The following UBE2J1 variants were observed in gnomAD, a reference collection of about 807,000 sequenced individuals.
UBE2J1 encodes ubiquitin conjugating enzyme E2 J1.
UBE2J1 carries 17 observed loss-of-function variants against 42.1 expected under a neutral mutation model. The ratio of observed to expected loss-of-function variants is 0.40; its 90% CI spans 0.28 to 0.61. UBE2J1 has a LOEUF of 0.61. UBE2J1 is among the 20% of genes least tolerant of loss of function. The probability of loss-of-function intolerance (pLI) is 0.38; values close to 1 mark genes in which losing one functional copy is unlikely to be tolerated. For synonymous variants in UBE2J1, 127 were observed against 137.2 expected (o/e 0.93, Z 0.52); for missense variants, 291 against 389.4 (o/e 0.75, Z 2.13).
At chr6:89,335,256 A>G in intron 6 of UBE2J1, 46 bp downstream of exon 6, 1 of 1,518,258 alleles carries the variant, frequency 6.6e-7, no homozygotes, top group Non-Finnish European at 8.9e-7. Context: ...TCCAGCAGTA[A>G]ACAAAAGGGT....
At chr6:89,345,759 T>A (rs769474231) in intron 1 of UBE2J1, among the ~76,000 whole-genome samples, 18 of 150,158 alleles carry the variant, frequency 1.2e-4, no homozygotes, top group South Asian at 2.1e-4. Context: ...AATACAAAAT[T>A]AGCCTGGTGT....
chr6:89,349,485 A>AT (rs1768425610), intron 1 of UBE2J1, among the ~76,000 whole-genome samples: 1 of 152,168 alleles, frequency 6.6e-6, no homozygotes, highest in South Asian at 2.1e-4. Context: ...CAGGGCAGGG[A>AT]TGGAGCAAGG....
chr6:89,332,637 A>C (rs1768031577), intron 7 of UBE2J1, among the ~76,000 whole-genome samples: 2 of 152,216 alleles, frequency 1.3e-5, no homozygotes, highest in African/African-American at 2.4e-5. Flanking sequence ...ATTTAAATGT[A>C]GACACCTGCA....
At chr6:89,338,872 A>T (rs552523880) in intron 3 of UBE2J1, among the ~76,000 whole-genome samples, 4 of 151,856 alleles carry the variant, frequency 2.6e-5, no homozygotes, top group East Asian at 3.9e-4. Flanking sequence ...TCACCGTGTT[A>T]GCCAGGATGG....
At chr6:89,341,460 A>G (rs1768245179) in intron 3 of UBE2J1, among the ~76,000 whole-genome samples, 1 of 152,222 alleles carries the variant, frequency 6.6e-6, no homozygotes, top group Admixed American at 6.5e-5. Flanking sequence ...TTCCTTGGCC[A>G]GGTATGATGG....
chr6:89,338,272 T>A lies in UBE2J1; in HGVS notation c.361A>T (p.Thr121Ser). ...ALLAIIGFMP[T>S]KGEGAIGSLD... is the part of the protein sequence containing the mutation. ...GAACCTATGGCTCCCTCTCCTTTTG[T>A]TGGCATAAACCCAATGATGGCTAAT... Residue 121 changes from threonine to serine, a missense_variant, in exon 5 of 8, where the codon ACA becomes TCA. Physicochemically the swap from Thr to Ser is moderately conservative, Grantham distance 58 (BLOSUM62 1). Around this residue, in one of 2 missense-constraint regions of UBE2J1, gnomAD observed 115 missense variants for 193.1 expected, o/e 0.60. Transcript: ENST00000435041. The A allele has an allele frequency of 6.2e-7, 1 of 1,613,808 alleles. No homozygotes were observed. Among genetic ancestry groups the A allele is most frequent in the Non-Finnish European group, 8.5e-7 (1 of 1,179,898 alleles).
chr6:89,342,215 C>T, intron 3 of UBE2J1, 109 bp downstream of exon 3: 1 of 1,320,038 alleles, frequency 7.6e-7, no homozygotes, highest in South Asian at 1.4e-5. Flanking sequence ...ACCCCAAAAG[C>T]AAAATTATAC....
At chr6:89,343,071 C>T (rs942097872) in intron 2 of UBE2J1, among the ~76,000 whole-genome samples, 2 of 152,132 alleles carry the variant, frequency 1.3e-5, no homozygotes, top group African/African-American at 2.4e-5. Flanking sequence ...TGAGTAGCTA[C>T]GGAGACCCAT....
At chr6:89,340,997 G>T (rs1022393986) in intron 3 of UBE2J1, among the ~76,000 whole-genome samples, 3 of 151,612 alleles carry the variant, frequency 2.0e-5, no homozygotes, top group Admixed American at 6.6e-5. Context: ...GGATGGTCTC[G>T]ATCTCCTGAC....
chr6:89,352,560 G>T lies in UBE2J1; in HGVS notation c.10C>A (p.Arg4Ser). ...TCACCCGGACTCTTCAGGTTGTAGC[G>T]GGTCTCCATGGTGGGTCGCTGGCTT... MET[R>S]YNLKSPAVKR... Residue 4 changes from arginine to serine, a missense_variant, in exon 1 of 8, where the codon CGC becomes AGC. By Grantham distance (110) the Arg-to-Ser change is moderately radical. Transcript: ENST00000435041. The T allele has an allele frequency of 6.4e-7, 1 of 1,572,732 alleles. No individual in the cohort carries two copies.
At chr6:89,346,121 C>T (rs1768360894) in intron 1 of UBE2J1, among the ~76,000 whole-genome samples, 1 of 152,102 alleles carries the variant, frequency 6.6e-6, no homozygotes, top group African/African-American at 2.4e-5. Context: ...GGGCAATCCT[C>T]CTACCTCAGC....
intron 1 of UBE2J1, among the ~76,000 whole-genome samples, chr6:89,347,053 AT>A (rs1313419325): frequency 1.6e-4 from 24 of 152,236 alleles, no homozygotes; most frequent in Non-Finnish European, 2.4e-4. Context: ...AATTAAACTT[AT>A]TTAATAAAAC....
At chr6:89,337,691 G>A (rs1012481623) in intron 5 of UBE2J1, among the ~76,000 whole-genome samples, 1 of 152,096 alleles carries the variant, frequency 6.6e-6, no homozygotes, top group Non-Finnish European at 1.5e-5. Context: ...GAAAAAAACA[G>A]AGAAGGCATC....
chr6:89,328,807 T>C lies in UBE2J1; in HGVS notation c.*872A>G, dbSNP rs1342355700. The C allele has an allele frequency of 1.3e-5, 2 of 152,176 alleles. No individual in the cohort carries two copies. The highest frequency in any genetic ancestry group is 2.9e-5 in the Non-Finnish European group (2 of 68,044). The allele number at this position is 152,176 out of a possible 1,614,324, so 9.4% of individuals were successfully genotyped here. ...AATATTATGCATATTCCTGGAATAA[T>C]TAAAATTTATACTGATTATAAAGCT... is the stretch of plus-strand genomic sequence containing the variant. On this transcript the variant is annotated 3_prime_UTR_variant, in exon 8 of 8. Coordinates refer to ENST00000435041, the MANE Select transcript of UBE2J1 (RefSeq NM_016021.3).
At chr6:89,338,859 G>A (rs983094266) in intron 3 of UBE2J1, among the ~76,000 whole-genome samples, 9 of 151,696 alleles carry the variant, frequency 5.9e-5, no homozygotes, top group Admixed American at 1.3e-4. Flanking sequence ...TAGAGACGGG[G>A]TTTCACCGTG....
intron 1 of UBE2J1, 63 bp from the exon 2 acceptor site, chr6:89,343,819 C>T (rs919351886): frequency 7.7e-7 from 1 of 1,297,424 alleles, no homozygotes; most frequent in Non-Finnish European, 1.1e-6. Flanking sequence ...TTAGCACAGT[C>T]TTACGAGCCT....
At chr6:89,343,819 C>A in intron 1 of UBE2J1, 63 bp from the exon 2 acceptor site, 1 of 1,297,422 alleles carries the variant, frequency 7.7e-7, no homozygotes, top group African/African-American at 1.5e-5. Context: ...TTAGCACAGT[C>A]TTACGAGCCT....
At position 89,346,718 on chromosome 6, in the gene UBE2J1, A is replaced by G. The variant is rs537974668; in HGVS notation, c.32-2962T>C. ...TCTCTGAGGCGTCCTAGGGAGGGGT[A>G]GAGACTAGGAATGCTCTCTGAATTA... On this transcript the variant is annotated intron_variant, in intron 1 of 7. Coordinates refer to ENST00000435041, the MANE Select transcript of UBE2J1 (RefSeq NM_016021.3). Among the ~76,000 whole-genome samples the G allele has an allele frequency of 3.3e-5, 5 of 151,928 alleles. No homozygotes were observed. The South Asian group carries it at 1.0e-3, about 32-fold the overall frequency.
intron 1 of UBE2J1, among the ~76,000 whole-genome samples, chr6:89,348,473 A>T (rs1014105710): frequency 6.6e-6 from 1 of 152,234 alleles, no homozygotes; most frequent in Admixed American, 6.5e-5. Context: ...TTCCCAAAGC[A>T]TGAGTGAAAT....
Sources: gnomAD v4.1 joint callset for allele counts (sites outside exome capture counted in the v4.1 genomes callset) on GRCh38, gnomAD v4.1.1 for gene constraint, gnomAD v4.1.1 regional missense constraint, MANE v1.5 for transcripts, NCBI Gene and HGNC (gene_info 2026-07-23, HGNC 2026-07-21) for gene names.